The following ADGRF5 variants were observed in gnomAD, a reference collection of about 807,000 sequenced individuals.
ADGRF5 encodes G-protein coupled receptor 116.
In ADGRF5, 75 loss-of-function variants were observed where a neutral mutation model predicts 132.3. The ratio of observed to expected loss-of-function variants is 0.57; its 90% CI spans 0.47 to 0.69. The LOEUF (loss-of-function observed/expected upper bound fraction) is 0.69, where lower values mean the gene tolerates loss of function less well. ADGRF5 is among the 30% of genes least tolerant of loss of function. The probability of loss-of-function intolerance (pLI) is 0.00; values close to 1 mark genes in which losing one functional copy is unlikely to be tolerated. For synonymous variants in ADGRF5, 629 were observed against 597.6 expected, an observed-to-expected ratio of 1.05 and a Z score of -0.77; for missense variants, 1,516 against 1,630.6, an observed-to-expected ratio of 0.93 and a Z score of 1.21.
In ADGRF5 at chr6:46,945,573, G is replaced by A. The variant is rs543747515; in HGVS notation, c.-25+9161C>T. 3.9e-5 allele frequency among the ~76,000 whole-genome samples: 6 copies of A among 152,314 alleles called. No individual in the cohort carries two copies. In the South Asian group the frequency reaches 1.0e-3, roughly 26 times the overall value. On this transcript the variant is annotated intron_variant, in intron 1 of 20. Coordinates refer to the ADGRF5 transcript ENST00000265417. ...ATTACTGAGATTTCAAACACAAAAG[G>A]CACTGTAAAACAGGCTTGGGACAGT...
At position 46,860,746 on chromosome 6, in the gene ADGRF5, A is replaced by T. The variant is rs1769644461; in HGVS notation, c.2348T>A (p.Val783Asp). ...IINILDLLST[V>D]PTQVNSEMMT... ...CATTTCTGAATTTACTTGGGTTGGA[A>T]CTGTTGAGAGCAGATCAAGGATGTT... The change falls in exon 16 of 21, where the codon GTT becomes GAT. Residue 783 changes from valine (V) to aspartate (D), a missense_variant. By Grantham distance (152) the Val-to-Asp change is radical. Transcript: ENST00000283296. The T allele has an allele frequency of 2.5e-6, 4 of 1,613,096 alleles. No homozygotes were observed. The highest frequency in any genetic ancestry group is 2.5e-6 in the Non-Finnish European group (3 of 1,179,462).
chr6:46,930,424 G>A (rs1051427580), intron 1 of ADGRF5, among the ~76,000 whole-genome samples: 1 of 152,122 alleles, frequency 6.6e-6, no homozygotes, highest in Admixed American at 6.5e-5. Context: ...TCCATTTCCA[G>A]TGAGTTCCAT....
At chr6:46,935,542 C>A (rs1376942524) in intron 1 of ADGRF5, among the ~76,000 whole-genome samples, 1 of 151,956 alleles carries the variant, frequency 6.6e-6, no homozygotes, top group Non-Finnish European at 1.5e-5. Context: ...GGGTACAGAC[C>A]CAAGGAGGGT....
At chr6:46,870,950 C>G in intron 11 of ADGRF5, 3 of 295,072 alleles carry the variant, frequency 1.0e-5, no homozygotes, top group Non-Finnish European at 2.0e-5. Context: ...CAAAACTGTT[C>G]TACCTGTAGA....
At chr6:46,864,508 A>G (rs1362419143) in intron 14 of ADGRF5, among the ~76,000 whole-genome samples, 1 of 150,546 alleles carries the variant, frequency 6.6e-6, no homozygotes, top group Non-Finnish European at 1.5e-5. Flanking sequence ...TTTAGCTCTT[A>G]CTGTATTACA....
intron 4 of ADGRF5, 39 bp downstream of exon 4, chr6:46,888,296 T>C (rs572575621): frequency 4.2e-6 from 6 of 1,432,758 alleles, no homozygotes; most frequent in South Asian, 2.3e-5. Context: ...TCTCAAGACA[T>C]CCAATCATTT....
chr6:46,946,398 C>T (rs375270826), intron 1 of ADGRF5, among the ~76,000 whole-genome samples: 5 of 152,006 alleles, frequency 3.3e-5, no homozygotes, highest in Non-Finnish European at 4.4e-5. Flanking sequence ...ACTGGGGTAG[C>T]GTAGACAGAA....
At chr6:46,868,109 G>A (rs973519616) in intron 12 of ADGRF5, among the ~76,000 whole-genome samples, 4 of 152,144 alleles carry the variant, frequency 2.6e-5, no homozygotes, top group Admixed American at 1.3e-4. Context: ...TGGGACTCAC[G>A]GAATCTAGAC....
chr6:46,896,321 G>A (rs1288361929), intron 3 of ADGRF5, among the ~76,000 whole-genome samples: 2 of 151,950 alleles, frequency 1.3e-5, no homozygotes, highest in African/African-American at 4.8e-5. Context: ...GTCCTAACAG[G>A]CAGCTCCATG....
chr6:46,931,810 C>T (rs1777569008), intron 1 of ADGRF5, among the ~76,000 whole-genome samples: 1 of 152,202 alleles, frequency 6.6e-6, no homozygotes, highest in Non-Finnish European at 1.5e-5. Context: ...ATCCCAGCTA[C>T]TCGGGAGGCT....
At position 46,951,591 on chromosome 6, in the gene ADGRF5, G is replaced by A. The variant is rs541987106; in HGVS notation, c.-25+3143C>T. On this transcript the variant is annotated intron_variant, in intron 1 of 20. Coordinates refer to the ADGRF5 transcript ENST00000265417. ...TTTTAGCTGTGCTGCAGTGAGGGAT[G>A]ATGTCAGGAACTGGCTATATGTCTA... Among the ~76,000 whole-genome samples the A allele has an allele frequency of 2.0e-5, 3 of 152,314 alleles. No homozygotes were observed. In the East Asian group the frequency reaches 5.8e-4, roughly 29 times the overall value.
At chr6:46,870,371 G>C (rs568026521) in intron 11 of ADGRF5, among the ~76,000 whole-genome samples, 55 of 152,064 alleles carry the variant, frequency 3.6e-4, no homozygotes, top group African/African-American at 1.3e-3. Flanking sequence ...TGTTGCTGGG[G>C]CTAGTCTGAA....
chr6:46,906,948 C>T (rs1775442726), intron 1 of ADGRF5, among the ~76,000 whole-genome samples, 162 bp from the exon 2 acceptor site: 1 of 152,108 alleles, frequency 6.6e-6, no homozygotes, highest in African/African-American at 2.4e-5. Flanking sequence ...CATTCTCTGC[C>T]CAGACCTTTG....
intron 1 of ADGRF5, among the ~76,000 whole-genome samples, chr6:46,913,644 A>G (rs1345127797): frequency 1.3e-5 from 2 of 152,160 alleles, no homozygotes; most frequent in Admixed American, 1.3e-4. Flanking sequence ...GGATGGTTGG[A>G]TAGAAACTGT....
chr6:46,912,988 C>G (rs1035171127), intron 1 of ADGRF5, among the ~76,000 whole-genome samples: 1 of 152,216 alleles, frequency 6.6e-6, no homozygotes, highest in Non-Finnish European at 1.5e-5. Flanking sequence ...CCCCTTTTTG[C>G]TGGCCTGTCC....
In ADGRF5 at chr6:46,879,966, T is replaced by C. The variant is rs1203599149; in HGVS notation, c.888A>G (p.Glu296=). Residue 296 remains glutamate (E), a synonymous_variant, in exon 9 of 21, where the codon GAA becomes GAG. Coordinates refer to ENST00000283296, the MANE Select transcript of ADGRF5 (RefSeq NM_001098518.2). ...GDTVSLVCEK[E]VLSSNVSWRY... ...GCCAAGACACATTGGAGGACAAAAC[T>C]TCCTTTTCACACACCAGACTGACTG... The C allele has an allele frequency of 1.9e-6, 3 of 1,614,042 alleles. No individual in the cohort carries two copies. The highest frequency in any genetic ancestry group is 2.5e-6 in the Non-Finnish European group (3 of 1,179,994).
At chr6:46,863,149 G>A (rs1207240913) in intron 14 of ADGRF5, 53 bp from the exon 15 acceptor site, 23 of 1,314,346 alleles carry the variant, frequency 1.7e-5, no homozygotes, top group Non-Finnish European at 2.5e-5. Flanking sequence ...AGACAATATA[G>A]TAGAAATACG....
rs1772749898 is a variant in ADGRF5 at position 46,883,771 on chromosome 6, TC to T, written c.506-107del. The stretch of plus-strand genomic sequence containing the variant: ...TTGTTTGTTTGTTTCAGATGGAGTC[TC>T]CCTCTGTCTCCCAGGCTGGAGTGCA... On this transcript the variant is annotated intron_variant, in intron 5 of 20. Transcript: ENST00000283296. 9.3e-6 allele frequency: 6 copies of T among 645,556 alleles called. No homozygotes were observed. The East Asian group carries it at 1.7e-4, about 18-fold the overall frequency. 40.0% of individuals were successfully genotyped at this position (645,556 alleles called of 1,614,324 possible).
At chr6:46,892,669 G>T (rs1327675417) in intron 3 of ADGRF5, among the ~76,000 whole-genome samples, 7 of 152,244 alleles carry the variant, frequency 4.6e-5, no homozygotes, top group Middle Eastern at 3.4e-3. Context: ...AGAATCACAC[G>T]AACCCTGGAG....
Sources: allele counts gnomAD v4.1 joint callset (sites outside exome capture counted in the v4.1 genomes callset), GRCh38; gene constraint gnomAD v4.1.1; transcripts MANE v1.5; gene names NCBI Gene and HGNC (gene_info 2026-07-23, HGNC 2026-07-21).